IGFBPL1: variants seen among roughly 807,000 people sequenced by gnomAD.
IGFBPL1 encodes the protein insulin like growth factor binding protein like 1.
Under a neutral mutation model 23.9 loss-of-function variants are expected in IGFBPL1, and 20 were observed. The ratio of observed to expected loss-of-function variants is 0.84; its 90% CI spans 0.59 to 1.22. The LOEUF (loss-of-function observed/expected upper bound fraction) is 1.22. IGFBPL1 is among the 50% of genes most tolerant of loss of function. The pLI is 0.00. For synonymous variants in IGFBPL1, 184 were observed against 171.8 expected, an observed-to-expected ratio of 1.07 and a Z score of -0.56; for missense variants, 436 against 379.3, an observed-to-expected ratio of 1.15 and a Z score of -1.24.
intron 1 of IGFBPL1, among the ~76,000 whole-genome samples, chr9:38,420,513 C>T (rs12235350): frequency 0.2 from 30,621 of 152,210 alleles, 3,938 homozygotes; most frequent in Non-Finnish European, 0.28. Flanking sequence ...AGGTTGCTAG[C>T]GGCTAGCTGT....
chr9:38,419,831 T>C (rs562206996), intron 1 of IGFBPL1, among the ~76,000 whole-genome samples: 1 of 151,812 alleles, frequency 6.6e-6, no homozygotes, highest in Non-Finnish European at 1.5e-5. Flanking sequence ...TGGAAATTGC[T>C]TTTGCATCCT....
At chr9:38,417,524 A>G (rs772971788) in intron 1 of IGFBPL1, among the ~76,000 whole-genome samples, 3 of 152,198 alleles carry the variant, frequency 2.0e-5, no homozygotes, top group African/African-American at 4.8e-5. Context: ...CCAGAATAAG[A>G]GATGAGTTGC....
rs1233283991 is a variant in IGFBPL1, at chr9:38,410,500, AT to A, written c.*9+890del. 1.7e-3 allele frequency among the ~76,000 whole-genome samples: 117 copies of A among 67,142 alleles called. 2 individuals are homozygous for A. Among genetic ancestry groups the A allele is most frequent in the African/African-American group, 3.8e-3 (89 of 23,160 alleles). 44.0% of individuals were successfully genotyped at this position (67,142 alleles called of 152,430 possible). On this transcript the variant is annotated intron_variant, in intron 4 of 4. Coordinates refer to ENST00000377694, the MANE Select transcript of IGFBPL1 (RefSeq NM_001007563.3). ...TCTGTCTCAAAAAAAAAAAAAAAAA[AT>A]GATTGGTCTGTAAATGGGCGGGGCA...
Position 38,424,049 on chromosome 9 carries a change from A to G in IGFBPL1, c.376T>C (p.Cys126Arg). The part of the protein sequence containing the change: ...GSDGRSYPSV[C>R]ALRLRARHTP... ...TGCCGAGCGCGCAGGCGCAGCGCGCAGACGCTGGGGTACGAGCGACCGTCG... is the reference window on the plus strand; with the variant it reads ...TGCCGAGCGCGCAGGCGCAGCGCGCGGACGCTGGGGTACGAGCGACCGTCG... The change falls in exon 1 of 5, where the codon TGC (cysteine) becomes CGC (arginine). Residue 126 changes from cysteine to arginine, a missense_variant. Physicochemically the swap from Cys to Arg is radical, Grantham distance 180. Coordinates refer to ENST00000377694, the MANE Select transcript of IGFBPL1 (RefSeq NM_001007563.3). The G allele has an allele frequency of 1.1e-5, 16 of 1,399,886 alleles. No individual in the cohort carries two copies. Among genetic ancestry groups the G allele is most frequent in the Non-Finnish European group, 1.4e-5 (15 of 1,084,912 alleles). 86.7% of individuals were successfully genotyped at this position (1,399,886 alleles called of 1,614,324 possible). A position where few individuals can be genotyped will look rare whatever the true frequency, so the allele number is the denominator to read the frequency against.
chr9:38,422,553 C>T (rs892073822), intron 1 of IGFBPL1, among the ~76,000 whole-genome samples: 3 of 152,184 alleles, frequency 2.0e-5, no homozygotes, highest in East Asian at 3.9e-4. Context: ...CCAACTGTTC[C>T]GAGTGAAAGG....
intron 1 of IGFBPL1, among the ~76,000 whole-genome samples, chr9:38,419,609 CA>C (rs1276478174): frequency 2.0e-5 from 3 of 152,136 alleles, no homozygotes; most frequent in Non-Finnish European, 4.4e-5. Context: ...TCTAATTTAT[CA>C]TTTGAAACAT....
intron 2 of IGFBPL1, among the ~76,000 whole-genome samples, chr9:38,413,886 A>T (rs1821552735): frequency 6.6e-6 from 1 of 152,094 alleles, no homozygotes; most frequent in Non-Finnish European, 1.5e-5. Flanking sequence ...TTCCAAGGGG[A>T]GAGGTTTGGG....
chr9:38,419,464 T>C (rs1308649616), intron 1 of IGFBPL1, among the ~76,000 whole-genome samples: 1 of 152,126 alleles, frequency 6.6e-6, no homozygotes, highest in Non-Finnish European at 1.5e-5. Context: ...TAACACACAC[T>C]AGCACAGACC....
chr9:38,424,100 C>T lies in IGFBPL1; in HGVS notation c.325G>A (p.Ala109Thr), dbSNP rs1418715905. Reference sequence around the variant, plus strand: ...GAGCCGCAGACGGTGCCGCGCTGCGCGCACACGCAGAGCCCGGTGCCCTCG... The same window carrying T: ...GAGCCGCAGACGGTGCCGCGCTGCGTGCACACGCAGAGCCCGGTGCCCTCG... ...APEGTGLCVC[A>T]QRGTVCGSDG... The change falls in exon 1 of 5, where the codon GCG becomes ACG. Residue 109 changes from alanine to threonine, a missense_variant. Transcript: ENST00000377694. The T allele has an allele frequency of 7.3e-7, 1 of 1,364,626 alleles. No individual in the cohort carries two copies. Among genetic ancestry groups the T allele is most frequent in the East Asian group, 3.1e-5 (1 of 31,828 alleles). The allele number at this position is 1,364,626 out of a possible 1,614,324, so 84.5% of individuals were successfully genotyped here.
chr9:38,424,367 G>T lies in IGFBPL1; in HGVS notation c.58C>A (p.Pro20Thr). 1.5e-6 allele frequency: 1 copy of T among 684,628 alleles called. No individual in the cohort carries two copies. Among genetic ancestry groups the T allele is most frequent in the East Asian group, 3.5e-5 (1 of 28,218 alleles). The allele number at this position is 684,628 out of a possible 1,614,324, so 42.4% of individuals were successfully genotyped here. The change falls in exon 1 of 5, where the codon CCG (proline) becomes ACG (threonine). Residue 20 changes from proline to threonine, a missense_variant. Transcript: ENST00000377694. The stretch of plus-strand genomic sequence containing the variant: ...ATCCCAAGGCTCGGGGACAGCGGCG[G>T]CAGCAGCGGCAGCAGCAGCAGAAGC... ...LLLLLLLPLL[P>T]PLSPSLGIRD...
At chr9:38,415,317 G>C (rs1248295847) in intron 1 of IGFBPL1, among the ~76,000 whole-genome samples, 2 of 152,152 alleles carry the variant, frequency 1.3e-5, no homozygotes, top group African/African-American at 4.8e-5. Flanking sequence ...CTAGGGCTTT[G>C]CCTGGTGACT....
chr9:38,424,188 GC>G lies in IGFBPL1; in HGVS notation c.236del (p.Gly79AlafsTer100). The G allele has an allele frequency of 8.6e-7, 1 of 1,164,328 alleles. No individual in the cohort carries two copies. Among genetic ancestry groups the G allele is most frequent in the Non-Finnish European group, 1.1e-6 (1 of 945,952 alleles). The allele number at this position is 1,164,328 out of a possible 1,614,324, so 72.1% of individuals were successfully genotyped here. ...CGGGGCCACAGCGCCCGCCGGCGCG[GC>G]CCCCGCAGCTCGCGCCCTCGGCTCC... ...CLGAEGASCGGRAGGRCGPGL... is the reference protein window; with the variant it reads ...CLGAEGASCGXRAGGRCGPGL... On this transcript the variant is annotated frameshift_variant, in exon 1 of 5. Transcript: ENST00000377694. LOFTEE classifies it high-confidence loss of function.
Position 38,408,147 on chromosome 9 carries a change from C to A in IGFBPL1, c.*1080G>T, listed in dbSNP as rs1054466459. On this transcript the variant is annotated 3_prime_UTR_variant, in exon 5 of 5. Coordinates refer to ENST00000377694, the MANE Select transcript of IGFBPL1 (RefSeq NM_001007563.3). ...TGCTAGGCTAGGCCAAGCACAGTGG[C>A]TGATGCCTATAATCCCAGCACTTTG... is the stretch of plus-strand genomic sequence containing the variant. Among the ~76,000 whole-genome samples, 1 of 148,792 alleles carries A rather than the reference C, an allele frequency of 6.7e-6. No homozygotes were observed. The highest frequency in any genetic ancestry group is 2.5e-5 in the African/African-American group (1 of 40,294).
chr9:38,412,536 T>C (rs1286368260), intron 3 of IGFBPL1, among the ~76,000 whole-genome samples: 19 of 152,226 alleles, frequency 1.2e-4, no homozygotes, highest in Admixed American at 1.2e-3. Context: ...TGCCACCTTC[T>C]ACCTTTACCA....
chr9:38,414,018 G>A, intron 2 of IGFBPL1, 76 bp downstream of exon 2: 2 of 712,448 alleles, frequency 2.8e-6, no homozygotes, highest in Admixed American at 2.3e-5. Context: ...ACTCACGTCT[G>A]TTTCTCCCTC....
chr9:38,412,180 G>A (rs921868000), intron 3 of IGFBPL1, among the ~76,000 whole-genome samples: 4 of 152,138 alleles, frequency 2.6e-5, no homozygotes, highest in African/African-American at 9.7e-5. Flanking sequence ...ACAACCAACC[G>A]CTTCCATCAA....
intron 1 of IGFBPL1, among the ~76,000 whole-genome samples, chr9:38,416,503 T>C (rs1299478977): frequency 6.6e-6 from 1 of 152,190 alleles, no homozygotes; most frequent in Non-Finnish European, 1.5e-5. Flanking sequence ...TGTATTTATT[T>C]ATTTATTTAT....
intron 1 of IGFBPL1, among the ~76,000 whole-genome samples, chr9:38,421,526 A>T (rs1465631796): frequency 6.6e-6 from 1 of 152,046 alleles, no homozygotes; most frequent in Non-Finnish European, 1.5e-5. Flanking sequence ...ATACTTCCCG[A>T]GGCCTCATTC....
At chr9:38,410,684 T>A (rs139967775) in intron 4 of IGFBPL1, among the ~76,000 whole-genome samples, 1 of 152,130 alleles carries the variant, frequency 6.6e-6, no homozygotes, top group Non-Finnish European at 1.5e-5. Context: ...ACATGGAACA[T>A]GAGCAAGTGA....
Sources: gnomAD v4.1 joint callset for allele counts (sites outside exome capture counted in the v4.1 genomes callset) on GRCh38, gnomAD v4.1.1 for gene constraint, MANE v1.5 for transcripts, NCBI Gene and HGNC (gene_info 2026-07-23, HGNC 2026-07-21) for gene names.